The following KHDRBS2 variants were observed in gnomAD, a reference collection of about 807,000 sequenced individuals.
The protein encoded by KHDRBS2 is KH domain-containing, RNA-binding, signal transduction-associated protein 2.
Under a neutral mutation model 44.3 loss-of-function variants are expected in KHDRBS2, and 26 were observed. That is an observed-to-expected ratio of 0.59 (90% CI 0.43 to 0.81). The LOEUF is 0.81. KHDRBS2 is among the 40% of genes least tolerant of loss of function. The pLI, the probability that KHDRBS2 is intolerant of heterozygous loss-of-function variation, is 0.00. For missense variants in KHDRBS2, 476 were observed against 433.1 expected (o/e 1.10, Z -0.88); for synonymous variants, 194 against 151.1 (o/e 1.28, Z -2.08).
At position 62,066,492 on chromosome 6, in the gene KHDRBS2, A is replaced by G. The variant is rs541688746; in HGVS notation, c.220-18498T>C. ...CCATAATGGAGCTATCAGATTTTTC[A>G]TTATTGCATGAGATGAAATATTGGC... On this transcript the variant is annotated intron_variant, in intron 2 of 8. Transcript: ENST00000281156. Among the ~76,000 whole-genome samples the G allele has an allele frequency of 4.0e-5, 6 of 151,784 alleles. 1 individual carries two copies. In the East Asian group the frequency reaches 9.8e-4, roughly 25 times the overall value.
Position 61,894,656 on chromosome 6 carries a change from G to A in KHDRBS2, c.789C>T (p.Ala263=). ...VPGYRAPPPP[A]HEAYEEYGYD... ...TTACATATTCTTCATAAGCTTCATG[G>A]GCTGGAGGAGGAGGTGCCCTGTATC... Residue 263 remains alanine, a synonymous_variant, in exon 6 of 9, where the codon GCC becomes GCT. Coordinates refer to ENST00000281156, the MANE Select transcript of KHDRBS2 (RefSeq NM_152688.4). The A allele has an allele frequency of 6.2e-7, 1 of 1,611,766 alleles. No individual in the cohort carries two copies. Among genetic ancestry groups the A allele is most frequent in the Non-Finnish European group, 8.5e-7 (1 of 1,179,224 alleles).
At position 62,245,181 on chromosome 6, in the gene KHDRBS2, G is replaced by C. The variant is rs140927413; in HGVS notation, c.91+40677C>G. The stretch of plus-strand genomic sequence containing the variant: ...TTCTTCATCATGTTAATGCTTCCTA[G>C]AAGATTTGCTGCATTCTCTTTGTTT... On this transcript the variant is annotated intron_variant, in intron 1 of 8. Transcript: ENST00000281156. Among the ~76,000 whole-genome samples the C allele has an allele frequency of 2.5e-3, 382 of 152,194 alleles. 3 individuals are homozygous for C. Among genetic ancestry groups the C allele is most frequent in the African/African-American group, 8.4e-3 (350 of 41,548 alleles).
the KHDRBS2 span, among the ~76,000 whole-genome samples, chr6:61,634,255 T>C: frequency 7.3e-6 from 1 of 137,260 alleles, no homozygotes; most frequent in Admixed American, 7.6e-5. Flanking sequence ...TCCACAATGC[T>C]GCAGATCAAA....
intron 3 of KHDRBS2, among the ~76,000 whole-genome samples, chr6:62,031,726 C>A (rs147177636): frequency 4.6e-5 from 7 of 152,106 alleles, no homozygotes; most frequent in South Asian, 4.2e-4. Context: ...CAAGAGAACA[C>A]CAGGTAGACT....
At chr6:62,217,419 T>C (rs1411892848) in intron 1 of KHDRBS2, among the ~76,000 whole-genome samples, 2 of 151,950 alleles carry the variant, frequency 1.3e-5, no homozygotes, top group East Asian at 3.8e-4. Context: ...ATATAATTTA[T>C]TTAGCACTTA....
At chr6:61,547,369 T>G in the KHDRBS2 span, among the ~76,000 whole-genome samples, 1 of 152,164 alleles carries the variant, frequency 6.6e-6, no homozygotes, top group African/African-American at 2.4e-5. Flanking sequence ...ATTTATTCCA[T>G]AGTGTAACCT....
intron 4 of KHDRBS2, among the ~76,000 whole-genome samples, chr6:61,947,820 T>G (rs553872259): frequency 6.6e-6 from 1 of 151,786 alleles, no homozygotes; most frequent in Non-Finnish European, 1.5e-5. Context: ...TTTCAAAATC[T>G]TTGAAAACCA....
chr6:61,597,773 T>C, the KHDRBS2 span, among the ~76,000 whole-genome samples: 9,791 of 40,538 alleles, frequency 0.24, 1,971 homozygotes, highest in African/African-American at 0.38. Context: ...TATATATATA[T>C]ACACCAAGAT....
chr6:61,709,501 T>C lies in KHDRBS2; in HGVS notation c.894-12248A>G, dbSNP rs531146132. Reference sequence around the variant, plus strand: ...AAATATATTTATATATGCTTTTGCTTTTTGAATATAACAATGTGCATACAA... The same window carrying C: ...AAATATATTTATATATGCTTTTGCTCTTTGAATATAACAATGTGCATACAA... On this transcript the variant is annotated intron_variant, in intron 7 of 8. Transcript: ENST00000281156. Among the ~76,000 whole-genome samples the C allele has an allele frequency of 1.3e-4, 20 of 151,808 alleles. No individual in the cohort carries two copies. In the South Asian group the frequency reaches 2.7e-3, roughly 20 times the overall value.
At chr6:62,032,091 C>T (rs1784433157) in intron 3 of KHDRBS2, among the ~76,000 whole-genome samples, 1 of 152,010 alleles carries the variant, frequency 6.6e-6, no homozygotes. Context: ...TAAGTCTCTG[C>T]CAGTTAATCC....
intron 2 of KHDRBS2, among the ~76,000 whole-genome samples, chr6:62,175,813 C>A (rs1820973343): frequency 6.6e-6 from 1 of 151,400 alleles, no homozygotes; most frequent in Non-Finnish European, 1.5e-5. Context: ...TAATAATCAG[C>A]ATAAAACCAC....
At chr6:62,142,385 ACCTTCC>A (rs1813019063) in intron 2 of KHDRBS2, among the ~76,000 whole-genome samples, 10 of 152,202 alleles carry the variant, frequency 6.6e-5, no homozygotes, top group Middle Eastern at 3.4e-3. Context: ...CAACTGTACA[ACCTTCC>A]ATCTCTCGGA....
At chr6:61,612,134 T>C in the KHDRBS2 span, among the ~76,000 whole-genome samples, 5 of 101,146 alleles carry the variant, frequency 4.9e-5, no homozygotes, top group African/African-American at 1.9e-4. Flanking sequence ...GAAAATTTCC[T>C]ATGTAATTTT....
At chr6:61,780,144 T>C (rs1782709975) in intron 6 of KHDRBS2, among the ~76,000 whole-genome samples, 2 of 152,240 alleles carry the variant, frequency 1.3e-5, no homozygotes, top group Admixed American at 1.3e-4. Context: ...CATTCAGTTA[T>C]ACTTAAACTA....
At chr6:61,566,270 C>T in the KHDRBS2 span, among the ~76,000 whole-genome samples, 4 of 152,004 alleles carry the variant, frequency 2.6e-5, no homozygotes, top group African/African-American at 7.2e-5. Flanking sequence ...GAGAGGTTGG[C>T]TAATGTGTAC....
intron 6 of KHDRBS2, among the ~76,000 whole-genome samples, chr6:61,753,248 G>A (rs1777999174): frequency 6.6e-6 from 1 of 152,028 alleles, no homozygotes; most frequent in East Asian, 1.9e-4. Flanking sequence ...AGAAAACACA[G>A]CCATCTCTGT....
At chr6:62,163,050 G>A (rs1173959449) in intron 2 of KHDRBS2, among the ~76,000 whole-genome samples, 1 of 151,970 alleles carries the variant, frequency 6.6e-6, no homozygotes, top group Non-Finnish European at 1.5e-5. Context: ...GTAAGGGCAT[G>A]GCACAAGTGA....
chr6:62,152,833 T>A (rs1299647650), intron 2 of KHDRBS2, among the ~76,000 whole-genome samples: 2 of 152,184 alleles, frequency 1.3e-5, no homozygotes, highest in African/African-American at 4.8e-5. Context: ...AACTTGTGCA[T>A]GACAAGCAAC....
chr6:61,621,785 T>C, the KHDRBS2 span, among the ~76,000 whole-genome samples: 1,629 of 152,292 alleles, frequency 0.011, 29 homozygotes, highest in African/African-American at 0.038. Context: ...TGGGTATGTT[T>C]CATTTATATA....
Sources: gnomAD v4.1 joint callset for allele counts (sites outside exome capture counted in the v4.1 genomes callset) on GRCh38, gnomAD v4.1.1 for gene constraint, MANE v1.5 for transcripts, NCBI Gene and HGNC (gene_info 2026-07-23, HGNC 2026-07-21) for gene names.